Variants in ARB2A observed in about 807,000 individuals in gnomAD.
The protein encoded by ARB2A is ARB2 cotranscriptional regulator A, also known as cotranscriptional regulator ARB2A.
chr5:93,728,282 A>T, the ARB2A span, among the ~76,000 whole-genome samples: 1 of 152,060 alleles, frequency 6.6e-6, no homozygotes, highest in Non-Finnish European at 1.5e-5. Flanking sequence ...CAATTGTTTG[A>T]TATAAAAATG....
chr5:94,094,260 T>C, the ARB2A span, among the ~76,000 whole-genome samples: 1 of 152,190 alleles, frequency 6.6e-6, no homozygotes, highest in Non-Finnish European at 1.5e-5. Context: ...GTTGGTTGGT[T>C]TCTGATAAGC....
chr5:94,086,618 TCTCAG>T, the ARB2A span, among the ~76,000 whole-genome samples: 1 of 152,338 alleles, frequency 6.6e-6, no homozygotes, highest in South Asian at 2.1e-4. Context: ...AATGGCACGA[TCTCAG>T]CTCACTGCAA....
chr5:93,697,155 GT>G, the ARB2A span, among the ~76,000 whole-genome samples: 1 of 151,010 alleles, frequency 6.6e-6, no homozygotes, highest in Non-Finnish European at 1.5e-5. Flanking sequence ...CTATTAGCAA[GT>G]TTATTTAGTG....
chr5:93,758,317 C>A, the ARB2A span, among the ~76,000 whole-genome samples: 11 of 152,178 alleles, frequency 7.2e-5, no homozygotes, highest in Non-Finnish European at 8.8e-5. Context: ...CAATACTCCA[C>A]TGACAGCACT....
At chr5:94,104,153 T>C in the ARB2A span, among the ~76,000 whole-genome samples, 1 of 143,246 alleles carries the variant, frequency 7.0e-6, no homozygotes, top group Non-Finnish European at 1.5e-5. Flanking sequence ...AAAACCAAAA[T>C]CAGAGCTGAC....
chr5:94,006,814 A>G, the ARB2A span, among the ~76,000 whole-genome samples: 1 of 152,234 alleles, frequency 6.6e-6, no homozygotes, highest in Non-Finnish European at 1.5e-5. Context: ...TCATAAAATT[A>G]AAAGTTTTAA....
the ARB2A span, among the ~76,000 whole-genome samples, chr5:94,002,736 AATAAT>A: frequency 6.6e-6 from 1 of 152,022 alleles, no homozygotes; most frequent in Non-Finnish European, 1.5e-5. Flanking sequence ...CTTTTAAAAT[AATAAT>A]ATATCATTTT....
the ARB2A span, among the ~76,000 whole-genome samples, chr5:93,838,424 G>T: frequency 6.6e-6 from 1 of 152,084 alleles, no homozygotes; most frequent in East Asian, 1.9e-4. Flanking sequence ...ATTTGAAGTG[G>T]TAATGTGATA....
chr5:93,897,303 G>T, the ARB2A span, among the ~76,000 whole-genome samples: 1 of 151,960 alleles, frequency 6.6e-6, no homozygotes, highest in Non-Finnish European at 1.5e-5. Flanking sequence ...GCATTAAAAT[G>T]TGTTTCCTTA....
At chr5:93,639,074 G>A in the ARB2A span, among the ~76,000 whole-genome samples, 1 of 152,094 alleles carries the variant, frequency 6.6e-6, no homozygotes, top group Non-Finnish European at 1.5e-5. Context: ...TAACTAAAGA[G>A]ATGAATAAAA....
At chr5:93,718,707 C>T in the ARB2A span, among the ~76,000 whole-genome samples, 7 of 152,146 alleles carry the variant, frequency 4.6e-5, no homozygotes, top group Non-Finnish European at 8.8e-5. Context: ...ACAACAACAA[C>T]GTCTGTCCAT....
At chr5:93,949,088 T>G in the ARB2A span, among the ~76,000 whole-genome samples, 1 of 152,174 alleles carries the variant, frequency 6.6e-6, no homozygotes, top group African/African-American at 2.4e-5. Context: ...CTGCAACACC[T>G]TCCAGGGATT....
chr5:94,080,709 C>T, the ARB2A span, among the ~76,000 whole-genome samples: 2 of 152,150 alleles, frequency 1.3e-5, no homozygotes, highest in African/African-American at 4.8e-5. Context: ...TGATGCAGGA[C>T]AACCCCGATA....
At chr5:93,952,581 C>T in the ARB2A span, among the ~76,000 whole-genome samples, 764 of 152,272 alleles carry the variant, frequency 5.0e-3, 6 homozygotes, top group African/African-American at 0.017. Flanking sequence ...TTTTCTCTTG[C>T]TGCTTTTAGA....
chr5:93,953,984 G>A, the ARB2A span, among the ~76,000 whole-genome samples: 1 of 152,100 alleles, frequency 6.6e-6, no homozygotes, highest in Admixed American at 6.5e-5. Context: ...CAGTCCACTT[G>A]TAAATGCTAC....
the ARB2A span, among the ~76,000 whole-genome samples, chr5:93,832,971 T>G: frequency 6.6e-6 from 1 of 152,150 alleles, no homozygotes; most frequent in African/African-American, 2.4e-5. Flanking sequence ...TTACAAGAAA[T>G]ATATATAAAG....
At chr5:93,726,568 G>A in the ARB2A span, among the ~76,000 whole-genome samples, 5 of 152,076 alleles carry the variant, frequency 3.3e-5, no homozygotes, top group Non-Finnish European at 7.4e-5. Context: ...AGTACAAAGA[G>A]AGATGGAAGG....
the ARB2A span, among the ~76,000 whole-genome samples, chr5:94,000,325 G>T: frequency 1.3e-5 from 2 of 151,978 alleles, no homozygotes; most frequent in East Asian, 1.9e-4. Context: ...CCAGCATTTG[G>T]TGTTGTCAGT....
the ARB2A span, among the ~76,000 whole-genome samples, chr5:94,070,279 T>G: frequency 1.3e-5 from 2 of 151,960 alleles, no homozygotes; most frequent in African/African-American, 4.8e-5. Context: ...GATAAAAAAG[T>G]TGATCTCATG....
Sources: allele counts gnomAD v4.1 joint callset (sites outside exome capture counted in the v4.1 genomes callset), GRCh38; gene constraint gnomAD v4.1.1; transcripts MANE v1.5; gene names NCBI Gene and HGNC (gene_info 2026-07-23, HGNC 2026-07-21).